Variants in DYNC1H1 observed in about 807,000 individuals in gnomAD.
DYNC1H1 encodes the protein cytoplasmic dynein 1 heavy chain 1.
Under a neutral mutation model 527.1 loss-of-function variants are expected in DYNC1H1, and 51 were observed. The observed-to-expected ratio is 0.10, with a 90% CI of 0.08 to 0.12. The LOEUF is 0.12. Ranked by LOEUF, DYNC1H1 falls within the 10% of genes least tolerant of loss-of-function variation. The pLI is 1.00. For missense variants in DYNC1H1, 2,771 were observed against 5,971.8 expected, an observed-to-expected ratio of 0.46 and a Z score of 17.66; for synonymous variants, 2,189 against 2,278.8, an observed-to-expected ratio of 0.96 and a Z score of 1.12.
Position 102,000,463 on chromosome 14 carries a change from G to C in DYNC1H1, c.4074+64G>C, listed in dbSNP as rs183816883. On this transcript the variant is annotated intron_variant, in intron 18 of 77. Coordinates refer to ENST00000360184, the MANE Select transcript of DYNC1H1 (RefSeq NM_001376.5). Reference sequence around the variant, plus strand: ...ACAGTTACAGACTTTATTTAGGAACGTGACAAGCCAAGTTTGTGTATTTGT... The same window carrying C: ...ACAGTTACAGACTTTATTTAGGAACCTGACAAGCCAAGTTTGTGTATTTGT... The C allele has an allele frequency of 2.7e-6, 4 of 1,482,632 alleles. No homozygotes were observed. The South Asian group carries it at 4.6e-5, about 17-fold the overall frequency. 91.8% of individuals were successfully genotyped at this position (1,482,632 alleles called of 1,614,324 possible).
chr14:102,048,209 T>C, intron 73 of DYNC1H1, 181 bp downstream of exon 73: 1 of 805,062 alleles, frequency 1.2e-6, no homozygotes, highest in Non-Finnish European at 2.0e-6. Flanking sequence ...TTGGCCCTTT[T>C]GAAATGGACT....
Position 102,011,808 on chromosome 14 carries a change from C to T in DYNC1H1, c.6619-67C>T. 1 of 1,527,090 alleles carries T rather than the reference C, an allele frequency of 6.5e-7. No homozygotes were observed. The highest frequency in any genetic ancestry group is 1.7e-4 in the Middle Eastern group (1 of 5,864). The allele number at this position is 1,527,090 out of a possible 1,614,324, so 94.6% of individuals were successfully genotyped here. On this transcript the variant is annotated intron_variant, in intron 32 of 77. Transcript: ENST00000360184. The surrounding 1 kb of genome is among the most constrained non-coding windows in gnomAD (Gnocchi z 5.3). ...TCTTGCTCACTTTCACAAGAGGTGG[C>T]TGGGCGAGGAGCTGTCCCCATTCCT...
At chr14:101,984,898 A>G (rs2047915654) in intron 7 of DYNC1H1, among the ~76,000 whole-genome samples, 3 of 140,820 alleles carry the variant, frequency 2.1e-5, no homozygotes, top group Non-Finnish European at 3.0e-5. Flanking sequence ...GCGCCACTGC[A>G]TTCCAGCCTG....
At chr14:102,040,737 G>A (rs1253025565) in intron 64 of DYNC1H1, 64 bp downstream of exon 64, 1 of 1,580,416 alleles carries the variant, frequency 6.3e-7, no homozygotes, top group Non-Finnish European at 8.7e-7. Context: ...TGCTTAAAGG[G>A]ATGCTTTCAA....
chr14:102,016,427 A>G lies in DYNC1H1; in HGVS notation c.7552A>G (p.Ile2518Val), dbSNP rs758539644. ...AATGAGAGCAGAGCTGGGTGAATAC[A>G]TCAGAAGAATCACGACCGTGCCTCT... ...LKMRAELGEYIRRITTVPLPT... is the reference protein window; with the variant it reads ...LKMRAELGEYVRRITTVPLPT... The change falls in exon 37 of 78, where the codon ATC becomes GTC. Residue 2518 changes from isoleucine to valine, a missense_variant. Physicochemically the swap from Ile to Val is conservative, Grantham distance 29. Around this residue, in one of 32 missense-constraint regions of DYNC1H1, gnomAD observed 71 missense variants for 143.6 expected, o/e 0.49. Transcript: ENST00000360184. This position sits in a 1 kb window ranked among gnomAD's most constrained non-coding sequence, Gnocchi z 7.3. 1.2e-6 allele frequency: 2 copies of G among 1,614,160 alleles called. No homozygotes were observed. Among genetic ancestry groups the G allele is most frequent in the Non-Finnish European group, 1.7e-6 (2 of 1,180,042 alleles).
Position 101,994,392 on chromosome 14 carries a change from T to C in DYNC1H1, c.3156+68T>C, listed in dbSNP as rs182545995. 2.6e-4 allele frequency: 412 copies of C among 1,608,640 alleles called. No homozygotes were observed. In the African/African-American group the frequency reaches 4.2e-3, roughly 16 times the overall value. On this transcript the variant is annotated intron_variant, in intron 12 of 77. Transcript: ENST00000360184. ...TCTAGACACTTAAGAGTACAAGATA[T>C]AAAGAACATGGAGCTAAAAGGTCTT...
At chr14:102,008,073 C>T in intron 28 of DYNC1H1, 105 bp from the exon 29 acceptor site, 1 of 1,540,954 alleles carries the variant, frequency 6.5e-7, no homozygotes. Flanking sequence ...TAAAGACAAA[C>T]CCACTAGGGT....
chr14:101,979,598 G>A lies in DYNC1H1; in HGVS notation c.518+106G>A. 2 of 1,604,832 alleles carry A rather than the reference G, an allele frequency of 1.2e-6. No homozygotes were observed. The highest frequency in any genetic ancestry group is 2.2e-5 in the South Asian group (2 of 90,354). ...GGAGGGTAACGCTAGTGAGCCGAGG[G>A]GATATAAACCCTGTGTATTAATAAA... On this transcript the variant is annotated intron_variant, in intron 3 of 77. Coordinates refer to ENST00000360184, the MANE Select transcript of DYNC1H1 (RefSeq NM_001376.5). This position sits in a 1 kb window ranked among gnomAD's most constrained non-coding sequence, Gnocchi z 4.6.
rs958222264 is a variant in DYNC1H1, at chr14:102,033,591, T to C, written c.10413+107T>C. The C allele has an allele frequency of 1.4e-6, 2 of 1,442,914 alleles. No individual in the cohort carries two copies. Among genetic ancestry groups the C allele is most frequent in the African/African-American group, 1.4e-5 (1 of 71,020 alleles). The allele number at this position is 1,442,914 out of a possible 1,614,324, so 89.4% of individuals were successfully genotyped here. Reference sequence around the variant, plus strand: ...ATGCTGGCCTCGGTGAATTCGCTCTTTAACATCTGTAAGGCCCCGGAGGAC... The same window carrying C: ...ATGCTGGCCTCGGTGAATTCGCTCTCTAACATCTGTAAGGCCCCGGAGGAC... On this transcript the variant is annotated intron_variant, in intron 54 of 77. Coordinates refer to ENST00000360184, the MANE Select transcript of DYNC1H1 (RefSeq NM_001376.5). The surrounding 1 kb of genome is among the most constrained non-coding windows in gnomAD (Gnocchi z 5.6).
At position 102,018,004 on chromosome 14, in the gene DYNC1H1, G is replaced by C; in HGVS notation, c.8178-447G>C. 3.8e-6 allele frequency: 1 copy of C among 263,668 alleles called. No individual in the cohort carries two copies. The highest frequency in any genetic ancestry group is 7.4e-6 in the Non-Finnish European group (1 of 136,038). 16.3% of individuals were successfully genotyped at this position (263,668 alleles called of 1,614,324 possible). ...GCCTGTAGTCCCAGCTACTTGGGAG[G>C]CTGAGGCAGCAGAATGGTGTGAACC... On this transcript the variant is annotated intron_variant, in intron 40 of 77. Coordinates refer to ENST00000360184, the MANE Select transcript of DYNC1H1 (RefSeq NM_001376.5). The surrounding 1 kb of genome is among the most constrained non-coding windows in gnomAD (Gnocchi z 5.2).
intron 7 of DYNC1H1, among the ~76,000 whole-genome samples, chr14:101,984,491 G>C (rs1276116239): frequency 1.8e-5 from 2 of 108,512 alleles, no homozygotes; most frequent in East Asian, 5.4e-4. Flanking sequence ...GTCTCAGTCT[G>C]TCACCCAGGC....
At chr14:102,007,722 G>T (rs1164916075) in intron 28 of DYNC1H1, among the ~76,000 whole-genome samples, 4 of 152,188 alleles carry the variant, frequency 2.6e-5, no homozygotes, top group African/African-American at 9.7e-5. Flanking sequence ...TTTGAGCCCC[G>T]TGAAGCCAGC....
At position 102,041,082 on chromosome 14, in the gene DYNC1H1, A is replaced by G. The variant is rs183784622; in HGVS notation, c.11941+409A>G. 1.1e-5 allele frequency: 4 copies of G among 350,156 alleles called. No homozygotes were observed. The highest frequency in any genetic ancestry group is 4.1e-5 in the Admixed American group (1 of 24,228). The allele number at this position is 350,156 out of a possible 1,614,324, so 21.7% of individuals were successfully genotyped here. ...AGTAAATCAGAAATTTCCAATTCCTATTCATCTCATGCTTAAAGACCACAA... is the reference window on the plus strand; with the variant it reads ...AGTAAATCAGAAATTTCCAATTCCTGTTCATCTCATGCTTAAAGACCACAA... On this transcript the variant is annotated intron_variant, in intron 64 of 77. Transcript: ENST00000360184. This position sits in a 1 kb window ranked among gnomAD's most constrained non-coding sequence, Gnocchi z 4.5.
At position 101,997,608 on chromosome 14, in the gene DYNC1H1, T is replaced by C. The variant is rs1290939073; in HGVS notation, c.3804+334T>C. ...GCTTTCCACTGCTGCTGCTAGTTAATTTAATTTTGGTTGGATGGTCTCTGT... is the reference window on the plus strand; with the variant it reads ...GCTTTCCACTGCTGCTGCTAGTTAACTTAATTTTGGTTGGATGGTCTCTGT... On this transcript the variant is annotated intron_variant, in intron 16 of 77. Coordinates refer to ENST00000360184, the MANE Select transcript of DYNC1H1 (RefSeq NM_001376.5). The surrounding 1 kb of genome is among the most constrained non-coding windows in gnomAD (Gnocchi z 4.8). Among the ~76,000 whole-genome samples the C allele has an allele frequency of 2.0e-5, 3 of 152,172 alleles. No homozygotes were observed. The highest frequency in any genetic ancestry group is 7.2e-5 in the African/African-American group (3 of 41,442).
At position 102,035,615 on chromosome 14, in the gene DYNC1H1, G is replaced by A. The variant is rs377672814; in HGVS notation, c.10755-874G>A. On this transcript the variant is annotated intron_variant, in intron 56 of 77. Coordinates refer to ENST00000360184, the MANE Select transcript of DYNC1H1 (RefSeq NM_001376.5). ...CTGAAGACTGGAGATAACTCAGATG[G>A]CCCTCCTGAGGGCCCACCACGCCGT... 45 of 152,332 alleles carry A rather than the reference G, an allele frequency of 3.0e-4. No homozygotes were observed. In the East Asian group the frequency reaches 5.8e-3, roughly 20 times the overall value. The allele number at this position is 152,332 out of a possible 1,614,324, so 9.4% of individuals were successfully genotyped here. A position where few individuals can be genotyped will look rare whatever the true frequency, so the allele number is the denominator to read the frequency against.
intron 52 of DYNC1H1, 101 bp from the exon 53 acceptor site, chr14:102,032,964 T>G (rs2152591615): frequency 3.0e-4 from 363 of 1,214,328 alleles, no homozygotes; most frequent in Non-Finnish European, 3.9e-4. Flanking sequence ...ACTGGGGCAA[T>G]GAGATGGGAG....
Position 102,033,620 on chromosome 14 carries a change from T to C in DYNC1H1, c.10413+136T>C. 1 of 1,139,814 alleles carries C rather than the reference T, an allele frequency of 8.8e-7. No homozygotes were observed. Among genetic ancestry groups the C allele is most frequent in the Non-Finnish European group, 1.3e-6 (1 of 786,324 alleles). 70.6% of individuals were successfully genotyped at this position (1,139,814 alleles called of 1,614,324 possible). A position where few individuals can be genotyped will look rare whatever the true frequency, so the allele number is the denominator to read the frequency against. On this transcript the variant is annotated intron_variant, in intron 54 of 77. Coordinates refer to ENST00000360184, the MANE Select transcript of DYNC1H1 (RefSeq NM_001376.5). The surrounding 1 kb of genome is among the most constrained non-coding windows in gnomAD (Gnocchi z 5.6). ...CATCTGTAAGGCCCCGGAGGACTTT[T>C]TTCCTGGAAAATAATACACACTGAG...
In DYNC1H1 at chr14:102,044,567, A is replaced by G; in HGVS notation, c.12903-28A>G. The G allele has an allele frequency of 1.9e-6, 3 of 1,614,002 alleles. No individual in the cohort carries two copies. The highest frequency in any genetic ancestry group is 4.5e-5 in the East Asian group (2 of 44,878). ...GTGTCACTCAGAGGTGACCCCTGAC[A>G]TCATTTCCAAATGCACTGGTTTTCT... On this transcript the variant is annotated intron_variant, in intron 71 of 77. Transcript: ENST00000360184. The surrounding 1 kb of genome is among the most constrained non-coding windows in gnomAD (Gnocchi z 7.1).
chr14:102,003,843 T>G (rs2048161330), intron 23 of DYNC1H1, among the ~76,000 whole-genome samples: 1 of 152,100 alleles, frequency 6.6e-6, no homozygotes, highest in African/African-American at 2.4e-5. Flanking sequence ...AGAGAATCTC[T>G]TGAATCCGGG....
Sources: allele counts gnomAD v4.1 joint callset (sites outside exome capture counted in the v4.1 genomes callset), GRCh38; gene constraint gnomAD v4.1.1; regional missense constraint gnomAD v4.1.1; non-coding constraint Gnocchi (gnomAD v3.1); transcripts MANE v1.5; gene names NCBI Gene and HGNC (gene_info 2026-07-23, HGNC 2026-07-21).